The following CACNA1D variants were observed in gnomAD, a reference collection of about 807,000 sequenced individuals.
CACNA1D encodes voltage-dependent L-type calcium channel subunit alpha-1D.
In CACNA1D, 55 loss-of-function variants were observed where a neutral mutation model predicts 257.1. That is an observed-to-expected ratio of 0.21 (90% CI 0.17 to 0.27). The LOEUF is 0.27. Ranked by LOEUF, CACNA1D falls within the 10% of genes least tolerant of loss-of-function variation. CACNA1D has a pLI of 1.00. For synonymous variants in CACNA1D, 980 were observed against 1,014.9 expected (o/e 0.97, Z 0.65); for missense variants, 1,876 against 2,784.0 (o/e 0.67, Z 7.34).
chr3:53,506,804 T>A (rs1057400211), intron 3 of CACNA1D, among the ~76,000 whole-genome samples: 2 of 152,214 alleles, frequency 1.3e-5, no homozygotes, highest in African/African-American at 4.8e-5. Context: ...AAGTACTTGA[T>A]ACTTTTTGAA....
intron 3 of CACNA1D, among the ~76,000 whole-genome samples, chr3:53,571,383 T>C (rs1166278566): frequency 2.0e-5 from 3 of 152,192 alleles, no homozygotes; most frequent in Admixed American, 1.3e-4. Flanking sequence ...GAAACCCAAA[T>C]ACTTAGACTG....
At chr3:53,517,487 CTTTTTT>C (rs529370207) in intron 3 of CACNA1D, among the ~76,000 whole-genome samples, 3 of 140,722 alleles carry the variant, frequency 2.1e-5, no homozygotes, top group South Asian at 2.3e-4. Flanking sequence ...TTCTTTCTTT[CTTTTTT>C]TTTTTTTTTA....
At chr3:53,589,391 GCTGT>G (rs1417633193) in intron 3 of CACNA1D, among the ~76,000 whole-genome samples, 1 of 152,094 alleles carries the variant, frequency 6.6e-6, no homozygotes, top group Non-Finnish European at 1.5e-5. Context: ...CGAGTGTGTG[GCTGT>G]CCCTGCAGCA....
chr3:53,681,606 T>G (rs2094430780), intron 8 of CACNA1D, among the ~76,000 whole-genome samples: 1 of 152,068 alleles, frequency 6.6e-6, no homozygotes, highest in South Asian at 2.1e-4. Context: ...GGCACCAGGG[T>G]TACGGTGGTG....
chr3:53,565,210 T>C (rs189675772), intron 3 of CACNA1D, among the ~76,000 whole-genome samples: 2 of 152,334 alleles, frequency 1.3e-5, no homozygotes, highest in East Asian at 3.9e-4. Context: ...TTAGTATGCC[T>C]TTATAATAAT....
chr3:53,801,465 C>T lies in CACNA1D; in HGVS notation c.5408+40C>T, dbSNP rs781268980. 5.0e-6 allele frequency: 8 copies of T among 1,610,186 alleles called. No individual in the cohort carries two copies. The African/African-American group carries it at 1.1e-4, about 22-fold the overall frequency. On this transcript the variant is annotated intron_variant, in intron 42 of 47. Transcript: ENST00000350061. ...GTGTTTGGACTTGCTCATGTGGTGT[C>T]TGCCCGTGTTGCGTCTAGTCCCAAG... is the stretch of plus-strand genomic sequence containing the variant.
chr3:53,550,849 T>G (rs745350524), intron 3 of CACNA1D, among the ~76,000 whole-genome samples: 1 of 152,210 alleles, frequency 6.6e-6, no homozygotes, highest in Non-Finnish European at 1.5e-5. Flanking sequence ...GTTTTTCACT[T>G]AAATGAGCAA....
At chr3:53,708,159 G>C (rs1268583289) in intron 9 of CACNA1D, among the ~76,000 whole-genome samples, 1 of 152,238 alleles carries the variant, frequency 6.6e-6, no homozygotes, top group Non-Finnish European at 1.5e-5. Flanking sequence ...AGAAAACCAG[G>C]ACGTTATAGC....
intron 3 of CACNA1D, among the ~76,000 whole-genome samples, chr3:53,589,916 T>C (rs1323713425): frequency 6.6e-6 from 1 of 152,220 alleles, no homozygotes. Context: ...CCTGAACCTC[T>C]AACTTAGTGT....
At chr3:53,509,491 A>T (rs1043196107) in intron 3 of CACNA1D, among the ~76,000 whole-genome samples, 2 of 152,172 alleles carry the variant, frequency 1.3e-5, no homozygotes, top group African/African-American at 4.8e-5. Context: ...ATTTTTGCTA[A>T]TTTTTTCCTT....
rs3774610 is a variant in CACNA1D, at chr3:53,803,728, G to A, written c.5585+156G>A. Among the ~76,000 whole-genome samples, 20 of 152,356 alleles carry A rather than the reference G, an allele frequency of 1.3e-4. No homozygotes were observed. The East Asian group carries it at 3.1e-3, about 24-fold the overall frequency. On this transcript the variant is annotated intron_variant, in intron 44 of 47. Coordinates refer to ENST00000350061, the MANE Select transcript of CACNA1D (RefSeq NM_001128840.3). ...AGGCCAGAGGGAGAGTGGAGCTGGA[G>A]AAAGAGAGCCGCAGAGAGGCAGGGT...
intron 25 of CACNA1D, among the ~76,000 whole-genome samples, chr3:53,746,203 A>T (rs1476308189): frequency 1.3e-5 from 2 of 151,962 alleles, no homozygotes; most frequent in Admixed American, 6.6e-5. Context: ...GAGTTGGGGG[A>T]ACCCTGAAAT....
chr3:53,715,464 T>G (rs2094808268), intron 9 of CACNA1D, among the ~76,000 whole-genome samples: 1 of 151,946 alleles, frequency 6.6e-6, no homozygotes, highest in African/African-American at 2.4e-5. Flanking sequence ...TAGATGCGTC[T>G]GTGCAATGAT....
intron 3 of CACNA1D, among the ~76,000 whole-genome samples, chr3:53,518,563 C>T (rs893798251): frequency 2.0e-5 from 3 of 152,138 alleles, no homozygotes; most frequent in African/African-American, 7.2e-5. Context: ...CCCATCAAAG[C>T]AGTAGTTCTA....
intron 3 of CACNA1D, among the ~76,000 whole-genome samples, chr3:53,575,845 A>C (rs553997811): frequency 2.0e-5 from 3 of 152,368 alleles, no homozygotes; most frequent in South Asian, 4.1e-4. Flanking sequence ...TGTTAATTGC[A>C]GTATTTGATG....
At chr3:53,705,952 A>G (rs1012856278) in intron 9 of CACNA1D, among the ~76,000 whole-genome samples, 4 of 152,192 alleles carry the variant, frequency 2.6e-5, no homozygotes, top group African/African-American at 9.7e-5. Context: ...GATTCACCAC[A>G]TGCACATGCC....
chr3:53,744,891 T>C, intron 23 of CACNA1D, 64 bp downstream of exon 23: 1 of 892,678 alleles, frequency 1.1e-6, no homozygotes, highest in Non-Finnish European at 1.9e-6. Context: ...TTACTGGCTC[T>C]TCTGGGCAGA....
chr3:53,497,502 T>C lies in CACNA1D; in HGVS notation c.377+41T>C, dbSNP rs749334571. 5.0e-6 allele frequency: 8 copies of C among 1,592,452 alleles called. No individual in the cohort carries two copies. The African/African-American group carries it at 8.1e-5, about 16-fold the overall frequency. On this transcript the variant is annotated intron_variant, in intron 2 of 47. Transcript: ENST00000350061. Reference sequence around the variant, plus strand: ...GGGAAGTCTTTCTCATTTTCTCTTTTACCATCTGTTTTTTAAAAGGATTTG... The same window carrying C: ...GGGAAGTCTTTCTCATTTTCTCTTTCACCATCTGTTTTTTAAAAGGATTTG...
At chr3:53,498,582 T>G (rs2090447802) in intron 2 of CACNA1D, among the ~76,000 whole-genome samples, 1 of 152,136 alleles carries the variant, frequency 6.6e-6, no homozygotes, top group Admixed American at 6.5e-5. Flanking sequence ...GGTGTGAATG[T>G]AGGAATTCCC....
Sources: allele counts gnomAD v4.1 joint callset (sites outside exome capture counted in the v4.1 genomes callset), GRCh38; gene constraint gnomAD v4.1.1; transcripts MANE v1.5; gene names NCBI Gene and HGNC (gene_info 2026-07-23, HGNC 2026-07-21).